Variants in KIF21B observed in about 807,000 individuals in gnomAD.
The protein encoded by KIF21B is kinesin-like protein KIF21B.
A neutral mutation model predicts 192.9 loss-of-function variants in KIF21B; 85 were observed. That is an observed-to-expected ratio of 0.44 (90% CI 0.37 to 0.53). The LOEUF is 0.53. Among genes scored for constraint, KIF21B ranks in the 20% least tolerant of loss-of-function variants. KIF21B has a pLI of 0.00. For synonymous variants in KIF21B, 832 were observed against 884.6 expected, an observed-to-expected ratio of 0.94 and a Z score of 1.05; for missense variants, 1,716 against 2,194.8, an observed-to-expected ratio of 0.78 and a Z score of 4.36.
chr1:201,019,881 C>A (rs1030046657), intron 1 of KIF21B, among the ~76,000 whole-genome samples: 7 of 152,228 alleles, frequency 4.6e-5, no homozygotes, highest in Admixed American at 4.6e-4. Flanking sequence ...CAGTCTTTCT[C>A]TCCCAAGCCA....
At chr1:201,013,380 TG>T in intron 1 of KIF21B, among the ~76,000 whole-genome samples, 1 of 152,282 alleles carries the variant, frequency 6.6e-6, no homozygotes, top group East Asian at 1.9e-4. Flanking sequence ...GTCACTTCTG[TG>T]GGCTGCCCTC....
At chr1:200,979,744 A>T (rs767046346) in intron 29 of KIF21B, 29 bp from the exon 30 acceptor site, 1 of 1,484,778 alleles carries the variant, frequency 6.7e-7, no homozygotes, top group Non-Finnish European at 9.0e-7. Context: ...AGCCACAGGG[A>T]GGGGAGGGAT....
At position 200,990,475 on chromosome 1, in the gene KIF21B, G is replaced by T; in HGVS notation, c.2835+101C>A. Reference sequence around the variant, plus strand: ...TTCCAGAGCAGGCAAAAGGAGCAGAGGGAAGTGGGGCAGGGAAAGGTCTGA... The same window carrying T: ...TTCCAGAGCAGGCAAAAGGAGCAGATGGAAGTGGGGCAGGGAAAGGTCTGA... On this transcript the variant is annotated intron_variant, in intron 19 of 34. Coordinates refer to ENST00000461742, the MANE Select transcript of KIF21B (RefSeq NM_001252102.2). The surrounding 1 kb of genome is among the most constrained non-coding windows in gnomAD (Gnocchi z 5.4). The T allele has an allele frequency of 1.3e-6, 2 of 1,502,120 alleles. No individual in the cohort carries two copies. The highest frequency in any genetic ancestry group is 1.2e-5 in the South Asian group (1 of 81,200). 93.0% of individuals were successfully genotyped at this position (1,502,120 alleles called of 1,614,324 possible).
In KIF21B at chr1:201,009,191, G is replaced by A. The variant is rs1377351405; in HGVS notation, c.264+75C>T. On this transcript the variant is annotated intron_variant, in intron 2 of 34. Coordinates refer to ENST00000461742, the MANE Select transcript of KIF21B (RefSeq NM_001252102.2). ...GAGGCTATGTTTCAGCTGCTCTGAA[G>A]GTGGAGCTTTCTCTCCATTGGATGC... The A allele has an allele frequency of 2.9e-6, 4 of 1,402,446 alleles. No individual in the cohort carries two copies. In the East Asian group the frequency reaches 7.1e-5, roughly 25 times the overall value. 86.9% of individuals were successfully genotyped at this position (1,402,446 alleles called of 1,614,324 possible). A position where few individuals can be genotyped will look rare whatever the true frequency, so the allele number is the denominator to read the frequency against.
At chr1:200,973,608 C>T (rs1159604965) in intron 34 of KIF21B, 30 bp from the exon 35 acceptor site, 6 of 1,523,848 alleles carry the variant, frequency 3.9e-6, no homozygotes, top group East Asian at 2.5e-5. Context: ...GGAGGGGTGC[C>T]GGTCAGCTCT....
At chr1:200,997,447 T>TA (rs1323172498) in intron 14 of KIF21B, among the ~76,000 whole-genome samples, 1 of 152,242 alleles carries the variant, frequency 6.6e-6, no homozygotes, top group East Asian at 1.9e-4. Flanking sequence ...GACCATCCTT[T>TA]AAAAAACTCC....
chr1:200,991,893 G>T (rs961357737), intron 16 of KIF21B, among the ~76,000 whole-genome samples, 168 bp from the exon 17 acceptor site: 1 of 152,270 alleles, frequency 6.6e-6, no homozygotes, highest in African/African-American at 2.4e-5. Context: ...CTCCCCAGAG[G>T]TTGCAGTGAA....
At chr1:201,011,916 G>T (rs1294372673) in intron 1 of KIF21B, among the ~76,000 whole-genome samples, 2 of 152,256 alleles carry the variant, frequency 1.3e-5, no homozygotes, top group Admixed American at 6.5e-5. Context: ...TGGAGCAGGG[G>T]AGGGGGAGCA....
At chr1:200,986,785 A>C in intron 26 of KIF21B, 59 bp downstream of exon 26, 1 of 1,416,704 alleles carries the variant, frequency 7.1e-7, no homozygotes, top group Non-Finnish European at 9.8e-7. Flanking sequence ...ATAGCCACTC[A>C]TGTAACCAAG....
Position 201,023,265 on chromosome 1 carries a change from G to T in KIF21B, c.41+78C>A. 7.6e-7 allele frequency: 1 copy of T among 1,312,082 alleles called. No homozygotes were observed. The allele number at this position is 1,312,082 out of a possible 1,614,324, so 81.3% of individuals were successfully genotyped here. On this transcript the variant is annotated intron_variant, in intron 1 of 34. Transcript: ENST00000461742. This position sits in a 1 kb window ranked among gnomAD's most constrained non-coding sequence, Gnocchi z 5.9. ...GCAGGCTCCAGCCCAAGCGGTGCTC[G>T]CGCCCCCCGCCCAAAGCCCACGCGA...
chr1:200,985,252 C>A (rs1203506136), intron 26 of KIF21B, among the ~76,000 whole-genome samples: 2 of 152,090 alleles, frequency 1.3e-5, no homozygotes, highest in Admixed American at 1.3e-4. Flanking sequence ...AATTGAAAGG[C>A]CGAGGTGGGA....
intron 29 of KIF21B, 82 bp downstream of exon 29, chr1:200,980,878 T>A: frequency 6.5e-7 from 1 of 1,529,232 alleles, no homozygotes; most frequent in East Asian, 2.4e-5. Context: ...TGTTCTTTTC[T>A]CCTTCACAGA....
intron 30 of KIF21B, among the ~76,000 whole-genome samples, chr1:200,977,735 A>ATTT (rs56046486): frequency 2.0e-4 from 29 of 141,978 alleles, no homozygotes; most frequent in Admixed American, 2.8e-4. Flanking sequence ...TCTGTTTACT[A>ATTT]TTTTTTTTTT....
rs780164811 is a variant in KIF21B at position 200,977,257 on chromosome 1, A to G, written c.4280T>C (p.Leu1427Pro). 3 of 1,614,126 alleles carry G rather than the reference A, an allele frequency of 1.9e-6. No homozygotes were observed. The highest frequency in any genetic ancestry group is 8.5e-7 in the Non-Finnish European group (1 of 1,179,950). The change falls in exon 31 of 35, where the codon CTG becomes CCG. Residue 1427 changes from leucine to proline, a missense_variant. By Grantham distance (98) the Leu-to-Pro change is moderately conservative. Coordinates refer to ENST00000461742, the MANE Select transcript of KIF21B (RefSeq NM_001252102.2). Reference protein sequence around the residue: ...QIALSPSGTMLYAASGNAVRI... With the variant: ...QIALSPSGTMPYAASGNAVRI... ...GACGGCATTGCCCGAGGCGGCGTAC[A>G]GCATGGTGCCCGAAGGGCTGAGGGC... is the stretch of plus-strand genomic sequence containing the variant.
In KIF21B at chr1:201,000,491, G is replaced by A. The variant is rs1558016844; in HGVS notation, c.1584C>T (p.Gly528=). 6.2e-7 allele frequency: 1 copy of A among 1,608,044 alleles called. No homozygotes were observed. Among genetic ancestry groups the A allele is most frequent in the Non-Finnish European group, 8.5e-7 (1 of 1,176,560 alleles). ...CATCCTCCATGGAGCTGGCAGGGCT[G>A]CCCCCGAAGGCCGGGGCGGCTGGAG... The part of the protein sequence containing the change: ...GASPAAPAFG[G]SPASSMEDAS... The change falls in exon 11 of 35, where the codon GGC becomes GGT. Residue 528 remains glycine (G), a synonymous_variant. Transcript: ENST00000461742. The surrounding 1 kb of genome is among the most constrained non-coding windows in gnomAD (Gnocchi z 6.0).
chr1:200,996,188 G>A lies in KIF21B; in HGVS notation c.2277+8C>T. 1 of 1,612,404 alleles carries A rather than the reference G, an allele frequency of 6.2e-7. No individual in the cohort carries two copies. Reference sequence around the variant, plus strand: ...CCAGGCCCCACTCCTCACACCCTCGGCCCCTACCTTGGCCTTCTTCATCTC... The same window carrying A: ...CCAGGCCCCACTCCTCACACCCTCGACCCCTACCTTGGCCTTCTTCATCTC... On this transcript the variant is annotated splice_region_variant and intron_variant, in intron 15 of 34. Transcript: ENST00000461742.
intron 34 of KIF21B, chr1:200,974,234 G>T: frequency 6.6e-7 from 1 of 1,516,922 alleles, no homozygotes; most frequent in South Asian, 1.3e-5. Flanking sequence ...GGAGAGGTGG[G>T]AGGAGATGGG....
chr1:200,979,667 G>C lies in KIF21B; in HGVS notation c.4028C>G (p.Ala1343Gly). ...CACGTTGTTGGGGTGGCCCTTTAGA[G>C]CTGCGATCTCCTGTCCCGTAACCAA... ...WNLVTGQEIA[A>G]LKGHPNNVVS... The change falls in exon 30 of 35, where the codon GCT (alanine) becomes GGT (glycine). Residue 1343 changes from alanine (A) to glycine (G), a missense_variant. By Grantham distance (60) the Ala-to-Gly change is moderately conservative. Coordinates refer to ENST00000461742, the MANE Select transcript of KIF21B (RefSeq NM_001252102.2). 1 of 1,582,410 alleles carries C rather than the reference G, an allele frequency of 6.3e-7. No homozygotes were observed. The highest frequency in any genetic ancestry group is 8.6e-7 in the Non-Finnish European group (1 of 1,164,440).
In KIF21B at chr1:200,996,391, G is replaced by T. The variant is rs1364603936; in HGVS notation, c.2082C>A (p.Thr694=). Residue 694 remains threonine (T), a synonymous_variant, in exon 15 of 35, where the codon ACC becomes ACA. Coordinates refer to ENST00000461742, the MANE Select transcript of KIF21B (RefSeq NM_001252102.2). ...ERDRVLQNLS[T]MECYTEEKAN... ...CCTTCTCCTCAGTATAGCACTCCAT[G>T]GTGCCTGAGAGCAAGGAGACGCAGC... 1 of 1,613,790 alleles carries T rather than the reference G, an allele frequency of 6.2e-7. No individual in the cohort carries two copies. The highest frequency in any genetic ancestry group is 2.2e-5 in the East Asian group (1 of 44,854).
Sources: gnomAD v4.1 joint callset for allele counts (sites outside exome capture counted in the v4.1 genomes callset) on GRCh38, gnomAD v4.1.1 for gene constraint, Gnocchi (gnomAD v3.1) non-coding constraint, MANE v1.5 for transcripts, NCBI Gene and HGNC (gene_info 2026-07-23, HGNC 2026-07-21) for gene names.